Variants in EPM2A observed in about 807,000 individuals in gnomAD.
EPM2A encodes laforin.
In EPM2A, 21 loss-of-function variants were observed where a neutral mutation model predicts 26.5. That is an observed-to-expected ratio of 0.79 (90% confidence interval 0.56 to 1.14). The LOEUF is 1.14. Among genes scored for constraint, EPM2A ranks in the 50% most tolerant of loss-of-function variants. EPM2A has a pLI of 0.00. For missense variants in EPM2A, 458 were observed against 440.8 expected (o/e 1.04, Z -0.35); for synonymous variants, 217 against 177.6 (o/e 1.22, Z -1.76).
rs567834805 is a variant in EPM2A, at chr6:145,610,250, T to C, written c.340+24995A>G. On this transcript the variant is annotated intron_variant, in intron 2 of 3. Coordinates refer to the EPM2A transcript ENST00000450221. ...AAAAAATTTGGAGAGAGTTTTCAAT[T>C]TCGGCTTTGAAATCCTTTAGTGGTA... is the stretch of plus-strand genomic sequence containing the variant. 1.8e-4 allele frequency among the ~76,000 whole-genome samples: 27 copies of C among 152,238 alleles called. No individual in the cohort carries two copies. The East Asian group carries it at 5.0e-3, about 28-fold the overall frequency.
intron 1 of EPM2A, among the ~76,000 whole-genome samples, chr6:145,717,289 C>T (rs1385472260): frequency 6.6e-6 from 1 of 152,200 alleles, no homozygotes; most frequent in Non-Finnish European, 1.5e-5. Context: ...GGCCTTCATC[C>T]CTGGGATGCA....
intron 2 of EPM2A, among the ~76,000 whole-genome samples, chr6:145,534,090 AT>A (rs77859852): frequency 0.44 from 67,586 of 151,910 alleles, 15,058 homozygotes; most frequent in South Asian, 0.58. Context: ...TATTCCAATA[AT>A]AAATATAATT....
chr6:145,682,624 T>C (rs1392959725), intron 2 of EPM2A: 2 of 152,182 alleles, frequency 1.3e-5, no homozygotes, highest in African/African-American at 4.8e-5. Context: ...AAGGATCATG[T>C]CTCTCCATTA....
At chr6:145,609,640 G>A (rs139661679) in intron 2 of EPM2A, among the ~76,000 whole-genome samples, 2,477 of 152,248 alleles carry the variant, frequency 0.016, 23 homozygotes, top group Admixed American at 0.023. Flanking sequence ...TTCTACACAC[G>A]TAATGTGAAT....
chr6:145,667,592 G>T (rs1158044716), intron 2 of EPM2A, among the ~76,000 whole-genome samples: 2 of 151,376 alleles, frequency 1.3e-5, no homozygotes. Flanking sequence ...CAACCCTTGT[G>T]GAAGTCAGTG....
At chr6:145,711,713 T>C (rs1408775554) in intron 1 of EPM2A, among the ~76,000 whole-genome samples, 1 of 152,162 alleles carries the variant, frequency 6.6e-6, no homozygotes, top group African/African-American at 2.4e-5. Context: ...GATAATTCCA[T>C]TAAATCAAAT....
At chr6:145,603,101 C>T (rs902173820) in intron 2 of EPM2A, among the ~76,000 whole-genome samples, 1 of 152,102 alleles carries the variant, frequency 6.6e-6, no homozygotes, top group Non-Finnish European at 1.5e-5. Flanking sequence ...GGCATCTCTG[C>T]CCCAGTTGGC....
chr6:145,473,163 C>T lies in EPM2A; in HGVS notation c.555+29359G>A, dbSNP rs575238826. Among the ~76,000 whole-genome samples, 7 of 151,586 alleles carry T rather than the reference C, an allele frequency of 4.6e-5. 1 individual carries two copies. The South Asian group carries it at 6.2e-4, about 14-fold the overall frequency. Reference sequence around the variant, plus strand: ...CTCAAAGATGTTCAAGATAATGCAGCGAAGGAATTCAGAATTCTATCAGAT... The same window carrying T: ...CTCAAAGATGTTCAAGATAATGCAGTGAAGGAATTCAGAATTCTATCAGAT... On this transcript the variant is annotated intron_variant, in intron 4 of 4. Transcript: ENST00000638717.
chr6:145,528,644 G>T (rs1228833010), intron 2 of EPM2A, among the ~76,000 whole-genome samples: 1 of 151,976 alleles, frequency 6.6e-6, no homozygotes, highest in Non-Finnish European at 1.5e-5. Flanking sequence ...CAATGTACCT[G>T]GTCACCCAAG....
intron 2 of EPM2A, among the ~76,000 whole-genome samples, chr6:145,564,064 A>G (rs1780846140): frequency 6.6e-6 from 1 of 152,146 alleles, no homozygotes; most frequent in Admixed American, 6.5e-5. Context: ...TACCTAATAC[A>G]ATGTAAATGC....
At chr6:145,578,120 T>TC (rs1292757004) in intron 2 of EPM2A, among the ~76,000 whole-genome samples, 1 of 151,880 alleles carries the variant, frequency 6.6e-6, no homozygotes, top group African/African-American at 2.4e-5. Flanking sequence ...AAAAACAACC[T>TC]AATGATGCAT....
At chr6:145,585,624 T>C (rs748697365) in intron 2 of EPM2A, among the ~76,000 whole-genome samples, 6 of 152,156 alleles carry the variant, frequency 3.9e-5, no homozygotes, top group Non-Finnish European at 8.8e-5. Flanking sequence ...CATTATGAAG[T>C]CTTATTTATG....
chr6:145,537,100 G>A (rs913732895), intron 2 of EPM2A, among the ~76,000 whole-genome samples: 3 of 152,158 alleles, frequency 2.0e-5, no homozygotes, highest in African/African-American at 7.2e-5. Context: ...CTGGCCATTT[G>A]GGGCCAACTG....
At chr6:145,582,843 G>A (rs937116551) in intron 2 of EPM2A, among the ~76,000 whole-genome samples, 1 of 152,110 alleles carries the variant, frequency 6.6e-6, no homozygotes, top group Non-Finnish European at 1.5e-5. Context: ...CAGAAGTTTT[G>A]CTACTTCTTT....
At chr6:145,573,769 C>T (rs1482583962) in intron 2 of EPM2A, among the ~76,000 whole-genome samples, 1 of 152,134 alleles carries the variant, frequency 6.6e-6, no homozygotes, top group Non-Finnish European at 1.5e-5. Flanking sequence ...ATTATTCATT[C>T]TGCTGGCACT....
intron 2 of EPM2A, among the ~76,000 whole-genome samples, chr6:145,645,036 G>C (rs752597397): frequency 1.2e-4 from 18 of 152,132 alleles, no homozygotes; most frequent in Non-Finnish European, 1.9e-4. Context: ...ATTTAAGTTG[G>C]TATATCTCAA....
chr6:145,550,650 C>T (rs970368325), intron 2 of EPM2A, among the ~76,000 whole-genome samples: 6 of 151,978 alleles, frequency 3.9e-5, no homozygotes, highest in African/African-American at 1.4e-4. Context: ...TGCTATGCTG[C>T]TCCTGAATCA....
At chr6:145,699,901 T>C (rs1781818525) in intron 1 of EPM2A, among the ~76,000 whole-genome samples, 2 of 152,170 alleles carry the variant, frequency 1.3e-5, no homozygotes, top group Non-Finnish European at 2.9e-5. Context: ...CTGAAAAAAT[T>C]CCACAATGGC....
chr6:145,735,224 T>C lies in EPM2A; in HGVS notation c.275A>G (p.Glu92Gly), dbSNP rs1776788119. 1 of 1,535,922 alleles carries C rather than the reference T, an allele frequency of 6.5e-7. No homozygotes were observed. Among genetic ancestry groups the C allele is most frequent in the Non-Finnish European group, 8.8e-7 (1 of 1,140,124 alleles). Residue 92 changes from glutamate (E) to glycine (G), a missense_variant, in exon 1 of 4, where the codon GAG becomes GGG. By Grantham distance (98) the Glu-to-Gly change is moderately conservative. Coordinates refer to ENST00000367519, the MANE Select transcript of EPM2A (RefSeq NM_005670.4). ...DTFWYKFLKR[E>G]PGGELSWEGN... Reference sequence around the variant, plus strand: ...TTCCCAGGAGAGCTCTCCTCCCGGCTCCCGCTTCAGGAACTTGTACCAGAA... The same window carrying C: ...TTCCCAGGAGAGCTCTCCTCCCGGCCCCCGCTTCAGGAACTTGTACCAGAA...
Sources: gnomAD v4.1 joint callset for allele counts (sites outside exome capture counted in the v4.1 genomes callset) on GRCh38, gnomAD v4.1.1 for gene constraint, MANE v1.5 for transcripts, NCBI Gene and HGNC (gene_info 2026-07-23, HGNC 2026-07-21) for gene names.